INO80: variants seen among roughly 807,000 people sequenced by gnomAD.
INO80 encodes the protein INO80 complex ATPase subunit, also known as chromatin-remodeling ATPase INO80.
Under a neutral mutation model 203.4 loss-of-function variants are expected in INO80, and 20 were observed. That is an observed-to-expected ratio of 0.10 (90% CI 0.07 to 0.14). The LOEUF (loss-of-function observed/expected upper bound fraction) is 0.14. Among genes scored for constraint, INO80 ranks in the 10% least tolerant of loss-of-function variants. The pLI, the probability that INO80 is intolerant of heterozygous loss-of-function variation, is 1.00. For missense variants in INO80, 1,419 were observed against 1,914.4 expected (o/e 0.74, Z 4.83); for synonymous variants, 726 against 685.2 (o/e 1.06, Z -0.93).
At chr15:40,985,900 T>G (rs531086735) in intron 31 of INO80, among the ~76,000 whole-genome samples, 1 of 152,226 alleles carries the variant, frequency 6.6e-6, no homozygotes, top group East Asian at 1.9e-4. Context: ...ACAGCAAAAC[T>G]CTGTCTAAAA....
intron 14 of INO80, among the ~76,000 whole-genome samples, chr15:41,066,417 A>C (rs1230187844): frequency 6.6e-6 from 1 of 151,916 alleles, no homozygotes; most frequent in East Asian, 1.9e-4. Flanking sequence ...TTGGCCTCCC[A>C]AAGTACTGGG....
chr15:40,982,300 C>G lies in INO80; in HGVS notation c.4453+562G>C, dbSNP rs964490159. Among the ~76,000 whole-genome samples the G allele has an allele frequency of 3.0e-4, 46 of 152,198 alleles. 1 individual carries two copies. ...TAGCTGGGACTACAGGCGTGAGCCA[C>G]CACGCCCATCTAATTTTTTGTGTTT... is the stretch of plus-strand genomic sequence containing the variant. On this transcript the variant is annotated intron_variant, in intron 35 of 35. Transcript: ENST00000648947.
chr15:40,982,742 T>C (rs533284262), intron 35 of INO80, 120 bp downstream of exon 35: 95 of 773,488 alleles, frequency 1.2e-4, no homozygotes, highest in East Asian at 4.4e-4. Context: ...AGAACCCCAA[T>C]TGGGGCTCTA....
intron 25 of INO80, among the ~76,000 whole-genome samples, chr15:41,022,714 CA>C (rs1304663827): frequency 1.3e-5 from 2 of 152,176 alleles, no homozygotes; most frequent in African/African-American, 4.8e-5. Flanking sequence ...AGGGTCACAG[CA>C]AACTGGGCCT....
Position 41,111,423 on chromosome 15 carries a change from CGA to C in INO80, c.-44+4548_-44+4549del, listed in dbSNP as rs1364446487. The stretch of plus-strand genomic sequence containing the variant: ...ATGGCGCCACTGCACTCCAGCCTGG[CGA>C]GAGAGCGAGACTCCGTCTCAAAAAA... On this transcript the variant is annotated intron_variant, in intron 1 of 35. Coordinates refer to ENST00000648947, the MANE Select transcript of INO80 (RefSeq NM_017553.3). Among the ~76,000 whole-genome samples the C allele has an allele frequency of 2.0e-4, 30 of 149,956 alleles. No individual in the cohort carries two copies. In the East Asian group the frequency reaches 2.2e-3, roughly 11 times the overall value.
chr15:41,016,032 G>C, intron 27 of INO80, 56 bp downstream of exon 27: 1 of 1,446,724 alleles, frequency 6.9e-7, no homozygotes, highest in Non-Finnish European at 9.6e-7. Flanking sequence ...ATGGACATCT[G>C]ATTCCTACAA....
intron 24 of INO80, among the ~76,000 whole-genome samples, chr15:41,034,010 T>C (rs772148266): frequency 7.9e-5 from 12 of 151,970 alleles, no homozygotes; most frequent in Non-Finnish European, 1.8e-4. Flanking sequence ...TGCAGTGAGC[T>C]GAGATGGTGC....
rs1596319520 is a variant in INO80, at chr15:41,087,548, T to C, written c.658+14A>G. On this transcript the variant is annotated intron_variant, in intron 6 of 35. Coordinates refer to ENST00000648947, the MANE Select transcript of INO80 (RefSeq NM_017553.3). ...AAGAATGAATATACGTGGAAGGCAGTTCAACATGCTCACCTTTAAGTTTCT... is the reference window on the plus strand; with the variant it reads ...AAGAATGAATATACGTGGAAGGCAGCTCAACATGCTCACCTTTAAGTTTCT... 2 of 1,613,302 alleles carry C rather than the reference T, an allele frequency of 1.2e-6. No individual in the cohort carries two copies. Among genetic ancestry groups the C allele is most frequent in the African/African-American group, 1.3e-5 (1 of 75,046 alleles).
At position 41,085,533 on chromosome 15, in the gene INO80, A is replaced by G; in HGVS notation, c.709T>C (p.Ser237Pro). 2 of 1,614,220 alleles carry G rather than the reference A, an allele frequency of 1.2e-6. No homozygotes were observed. The highest frequency in any genetic ancestry group is 1.7e-6 in the Non-Finnish European group (2 of 1,180,038). ...KKRRRDEELS[S>P]EESPRRHHHQ... ...TGATGGCGACGAGGGGATTCTTCAG[A>G]GGAAAGTTCTTCATCTCTTCGTCTT... Residue 237 changes from serine to proline, a missense_variant, in exon 7 of 36, where the codon TCT (serine) becomes CCT (proline). Around this residue, in one of 9 missense-constraint regions of INO80, gnomAD observed 323 missense variants for 325.4 expected, o/e 0.99. Transcript: ENST00000648947.
chr15:41,040,068 G>C, intron 24 of INO80, among the ~76,000 whole-genome samples: 1 of 152,114 alleles, frequency 6.6e-6, no homozygotes, highest in Non-Finnish European at 1.5e-5. Flanking sequence ...ATTTAGCCGA[G>C]TACACGGGCT....
intron 5 of INO80, among the ~76,000 whole-genome samples, chr15:41,089,687 G>A (rs1380408075): frequency 6.6e-6 from 1 of 151,530 alleles, no homozygotes; most frequent in Admixed American, 6.6e-5. Flanking sequence ...AGGTGGCAGT[G>A]AGCCGAGATC....
chr15:41,095,870 G>C lies in INO80; in HGVS notation c.202C>G (p.Pro68Ala). Residue 68 changes from proline to alanine, a missense_variant, in exon 3 of 36, where the codon CCC becomes GCC. Pro to Ala is a conservative substitution (Grantham distance 27). Coordinates refer to ENST00000648947, the MANE Select transcript of INO80 (RefSeq NM_017553.3). Reference protein sequence around the residue: ...SNPLLPQSGDPLIQVKEEPPN... With the variant: ...SNPLLPQSGDALIQVKEEPPN... ...GGTTCTTCCTTAACTTGTATTAAGG[G>C]ATCCCCAGACTGGGGCAATAATGGA... is the stretch of plus-strand genomic sequence containing the variant. 6.2e-7 allele frequency: 1 copy of C among 1,613,506 alleles called. No homozygotes were observed. The highest frequency in any genetic ancestry group is 8.5e-7 in the Non-Finnish European group (1 of 1,179,466).
At chr15:41,059,055 G>T (rs2045053405) in intron 15 of INO80, among the ~76,000 whole-genome samples, 1 of 152,010 alleles carries the variant, frequency 6.6e-6, no homozygotes, top group African/African-American at 2.4e-5. Context: ...GGGCTCACGT[G>T]ATCCTCCTGC....
Position 41,040,065 on chromosome 15 carries a change from C to T in INO80, c.2907+4839G>A, listed in dbSNP as rs186994690. 1.1e-4 allele frequency among the ~76,000 whole-genome samples: 16 copies of T among 152,066 alleles called. No homozygotes were observed. In the East Asian group the frequency reaches 2.5e-3, roughly 24 times the overall value. On this transcript the variant is annotated intron_variant, in intron 24 of 35. Coordinates refer to ENST00000648947, the MANE Select transcript of INO80 (RefSeq NM_017553.3). ...AGGTGAGATTAAAATAAGATTTAGCCGAGTACACGGGCTCACAACTGTGAT... is the reference window on the plus strand; with the variant it reads ...AGGTGAGATTAAAATAAGATTTAGCTGAGTACACGGGCTCACAACTGTGAT...
chr15:41,103,361 T>A (rs1424171974), intron 1 of INO80, among the ~76,000 whole-genome samples: 1 of 152,148 alleles, frequency 6.6e-6, no homozygotes, highest in East Asian at 1.9e-4. Context: ...ATGCAGATAC[T>A]TCCAGATCAG....
intron 1 of INO80, among the ~76,000 whole-genome samples, chr15:41,112,776 G>C (rs1159363419): frequency 2.2e-4 from 20 of 92,274 alleles, no homozygotes; most frequent in Non-Finnish European, 3.3e-4. Flanking sequence ...GACAGGGCAA[G>C]ACTCCATCTC....
chr15:40,996,702 G>A (rs1330910557), intron 29 of INO80, among the ~76,000 whole-genome samples: 1 of 152,132 alleles, frequency 6.6e-6, no homozygotes, highest in Non-Finnish European at 1.5e-5. Flanking sequence ...TGGATAATTT[G>A]TTGGAATATC....
At chr15:41,036,104 C>G (rs1287696758) in intron 24 of INO80, among the ~76,000 whole-genome samples, 1 of 125,206 alleles carries the variant, frequency 8.0e-6, no homozygotes, top group Non-Finnish European at 1.6e-5. Flanking sequence ...TGCAGTGAGC[C>G]GAGATCGCAC....
chr15:41,044,794 G>A, intron 24 of INO80, 110 bp downstream of exon 24: 1 of 972,988 alleles, frequency 1.0e-6, no homozygotes, highest in African/African-American at 1.7e-5. Context: ...ACTCCTCTGG[G>A]AACTTTTTGG....
Sources: allele counts gnomAD v4.1 joint callset (sites outside exome capture counted in the v4.1 genomes callset), GRCh38; gene constraint gnomAD v4.1.1; regional missense constraint gnomAD v4.1.1; transcripts MANE v1.5; gene names NCBI Gene and HGNC (gene_info 2026-07-23, HGNC 2026-07-21).